CTCF: variants seen among roughly 807,000 people sequenced by gnomAD.
CTCF encodes CCCTC-binding factor, also known as transcriptional repressor CTCF.
CTCF carries 7 observed loss-of-function variants against 72.3 expected under a neutral mutation model. That is an observed-to-expected ratio of 0.10 (90% CI 0.06 to 0.18). CTCF has a LOEUF of 0.18. CTCF is among the 10% of genes least tolerant of loss of function. The probability of loss-of-function intolerance (pLI) is 1.00; values close to 1 mark genes in which losing one functional copy is unlikely to be tolerated. For missense variants in CTCF, 516 were observed against 949.1 expected, an observed-to-expected ratio of 0.54 and a Z score of 6.00; for synonymous variants, 374 against 315.8, an observed-to-expected ratio of 1.18 and a Z score of -1.95.
chr16:67,587,530 G>T (rs1329958785), intron 2 of CTCF, among the ~76,000 whole-genome samples: 1 of 144,296 alleles, frequency 6.9e-6, no homozygotes. Flanking sequence ...TTTCTGCAGG[G>T]TTTTTTTTTT....
intron 1 of CTCF, among the ~76,000 whole-genome samples, chr16:67,566,515 T>TAA (rs377253111): frequency 0.022 from 1,649 of 75,814 alleles, 25 homozygotes; most frequent in Non-Finnish European, 0.032. Context: ...GTCTCAAAAT[T>TAA]AAAAAAAAAA....
At position 67,617,018 on chromosome 16, in the gene CTCF, G is replaced by A. The variant is rs143664733; in HGVS notation, c.1086+140G>A. 1.5e-3 allele frequency: 1,233 copies of A among 819,294 alleles called. 16 individuals are homozygous for A. In the East Asian group the frequency reaches 0.028, roughly 19 times the overall value. The allele number at this position is 819,294 out of a possible 1,614,324, so 50.8% of individuals were successfully genotyped here. A position where few individuals can be genotyped will look rare whatever the true frequency, so the allele number is the denominator to read the frequency against. ...ATTATTAACACTCCCACACAACACC[G>A]CTCCCCCAAAAAACTTATGATGATT... On this transcript the variant is annotated intron_variant, in intron 5 of 11. Transcript: ENST00000264010.
rs1321620334 is a variant in CTCF at position 67,624,918 on chromosome 16, A to ATGTGTGCT, written c.1358-1627_1358-1620dup. ...CCAACTCTGAGACTTCTTTGTGTGT[A>ATGTGTGCT]TGTGTGCTTGTGTGCTTTGTGTGAG... On this transcript the variant is annotated intron_variant, in intron 7 of 11. Transcript: ENST00000264010. Among the ~76,000 whole-genome samples, 6 of 150,658 alleles carry ATGTGTGCT rather than the reference A, an allele frequency of 4.0e-5. No homozygotes were observed. The East Asian group carries it at 1.2e-3, about 30-fold the overall frequency.
At chr16:67,599,834 G>A (rs2051863933) in intron 2 of CTCF, among the ~76,000 whole-genome samples, 4 of 152,188 alleles carry the variant, frequency 2.6e-5, no homozygotes, top group Admixed American at 2.0e-4. Flanking sequence ...TCCCTGTCCA[G>A]TGTCATTGAG....
chr16:67,570,979 C>T (rs2051411385), intron 1 of CTCF, 169 bp from the exon 2 acceptor site: 1 of 152,028 alleles, frequency 6.6e-6, no homozygotes, highest in African/African-American at 2.4e-5. Context: ...TTGTTATTGG[C>T]TTGATGGTGG....
intron 6 of CTCF, 21 bp from the exon 7 acceptor site, chr16:67,621,421 C>G (rs1415995951): frequency 6.5e-7 from 1 of 1,545,038 alleles, no homozygotes; most frequent in African/African-American, 1.4e-5. Flanking sequence ...TTTATGTGTT[C>G]ATTCTGTATT....
chr16:67,611,665 T>A, intron 3 of CTCF, 52 bp downstream of exon 3: 1 of 1,502,048 alleles, frequency 6.7e-7, no homozygotes, highest in Non-Finnish European at 9.1e-7. Context: ...GGGATAAGCA[T>A]ACAACACAGT....
At chr16:67,619,963 A>G (rs1196598778) in intron 5 of CTCF, among the ~76,000 whole-genome samples, 1 of 152,146 alleles carries the variant, frequency 6.6e-6, no homozygotes, top group Non-Finnish European at 1.5e-5. Context: ...AGGATGGATA[A>G]TGGTGAGGAT....
intron 4 of CTCF, 119 bp from the exon 5 acceptor site, chr16:67,616,626 A>C: frequency 4.1e-5 from 44 of 1,075,550 alleles, no homozygotes; most frequent in Non-Finnish European, 4.8e-5. Context: ...CTTTCAAGCT[A>C]CTGCAGTTGA....
At chr16:67,594,682 T>G (rs953308297) in intron 2 of CTCF, among the ~76,000 whole-genome samples, 3 of 152,214 alleles carry the variant, frequency 2.0e-5, no homozygotes, top group African/African-American at 7.2e-5. Context: ...GTTTTGTTTT[T>G]CCATGTTCCC....
At chr16:67,604,045 A>ACCTG (rs1319601906) in intron 2 of CTCF, among the ~76,000 whole-genome samples, 1 of 147,708 alleles carries the variant, frequency 6.8e-6, no homozygotes, top group Non-Finnish European at 1.5e-5. Flanking sequence ...TGGGAGAATC[A>ACCTG]CCTGAGCCCA....
chr16:67,618,266 G>A (rs1252379901), intron 5 of CTCF, among the ~76,000 whole-genome samples: 1 of 152,164 alleles, frequency 6.6e-6, no homozygotes, highest in African/African-American at 2.4e-5. Flanking sequence ...GCTGGGCATG[G>A]CAGCATGCGC....
chr16:67,604,656 TG>T (rs2051945161), intron 2 of CTCF, among the ~76,000 whole-genome samples: 1 of 151,780 alleles, frequency 6.6e-6, no homozygotes, highest in South Asian at 2.1e-4. Context: ...TTTTTTAAAT[TG>T]ATGAAACCTT....
intron 2 of CTCF, among the ~76,000 whole-genome samples, chr16:67,583,218 C>G (rs2051614546): frequency 6.6e-6 from 1 of 151,832 alleles, no homozygotes; most frequent in East Asian, 2.0e-4. Context: ...AACTCCTGAC[C>G]TCAAGTGATC....
intron 2 of CTCF, among the ~76,000 whole-genome samples, chr16:67,590,976 A>T (rs2051735630): frequency 6.7e-6 from 1 of 149,334 alleles, no homozygotes; most frequent in Admixed American, 6.7e-5. Flanking sequence ...AAAAAAAAAA[A>T]AAAAAAATGC....
chr16:67,584,683 AAG>A (rs1345896588), intron 2 of CTCF, among the ~76,000 whole-genome samples: 2 of 151,904 alleles, frequency 1.3e-5, no homozygotes, highest in Admixed American at 1.3e-4. Flanking sequence ...TCTTACCTAT[AAG>A]TATTACTCAA....
chr16:67,611,641 C>CAT, intron 3 of CTCF, 28 bp downstream of exon 3: 1 of 1,586,820 alleles, frequency 6.3e-7, no homozygotes, highest in Non-Finnish European at 8.6e-7. Flanking sequence ...ATAGTGGTTT[C>CAT]ATAAAACCAT....
intron 8 of CTCF, among the ~76,000 whole-genome samples, chr16:67,628,071 G>A (rs1240508758): frequency 6.6e-6 from 1 of 152,062 alleles, no homozygotes. Context: ...CTCCATCCTG[G>A]GCGATAGAGC....
At position 67,620,561 on chromosome 16, in the gene CTCF, G is replaced by T. The variant is rs116512569; in HGVS notation, c.1087-136G>T. ...AAGCAAAGTTTACAAATAATGAAGA[G>T]GGAAGAAGGTTATCTTTTAGACTTC... On this transcript the variant is annotated intron_variant, in intron 5 of 11. Transcript: ENST00000264010. 1,069 of 630,450 alleles carry T rather than the reference G, an allele frequency of 1.7e-3. 9 individuals are homozygous for T. The African/African-American group carries it at 0.019, about 11-fold the overall frequency. 39.1% of individuals were successfully genotyped at this position (630,450 alleles called of 1,614,324 possible).
Sources: allele counts gnomAD v4.1 joint callset (sites outside exome capture counted in the v4.1 genomes callset), GRCh38; gene constraint gnomAD v4.1.1; transcripts MANE v1.5; gene names NCBI Gene and HGNC (gene_info 2026-07-23, HGNC 2026-07-21).